RADIL: variants seen among roughly 807,000 people sequenced by gnomAD.
The protein encoded by RADIL is Rap associating with DIL domain.
In RADIL, 99 loss-of-function variants were observed where a neutral mutation model predicts 97.6. That is an observed-to-expected ratio of 1.01 (90% CI 0.86 to 1.20). The LOEUF is 1.20. Ranked by LOEUF, RADIL falls within the 50% of genes most tolerant of loss-of-function variation. The pLI is 0.00. For missense variants in RADIL, 1,765 were observed against 1,498.9 expected (o/e 1.18, Z -2.93); for synonymous variants, 803 against 691.8 (o/e 1.16, Z -2.52).
rs768874838 is a variant in RADIL, at chr7:4,803,692, C to T, written c.2353G>A (p.Val785Met). 10 of 1,562,912 alleles carry T rather than the reference C, an allele frequency of 6.4e-6. No homozygotes were observed. The highest frequency in any genetic ancestry group is 2.7e-5 in the African/African-American group (2 of 73,552). ...PIVLPSDGFQ[V>M]DLEANCLDDS... ...TCCAGGCAGTTGGCTTCCAAGTCCA[C>T]CTGGAAGCCGTCGCTGGGCAGGACG... The change falls in exon 11 of 15, where the codon GTG (valine) becomes ATG (methionine). Residue 785 changes from valine to methionine, a missense_variant. By Grantham distance (21) the Val-to-Met change is conservative (BLOSUM62 1). Transcript: ENST00000399583.
At chr7:4,859,993 T>G in intron 2 of RADIL, 1 of 1,613,946 alleles carries the variant, frequency 6.2e-7, no homozygotes, top group Non-Finnish European at 8.5e-7. Context: ...TGGCCTTTGG[T>G]GATGGAGAAA....
intron 10 of RADIL, 157 bp downstream of exon 10, chr7:4,805,408 GC>G (rs75866785): frequency 0.065 from 34,795 of 535,164 alleles, 1,536 homozygotes; most frequent in African/African-American, 0.36. Context: ...ATGGGGCGGG[GC>G]GGGGGGGTCC....
At chr7:4,841,541 G>A (rs1343154767) in intron 2 of RADIL, among the ~76,000 whole-genome samples, 1 of 152,206 alleles carries the variant, frequency 6.6e-6, no homozygotes, top group African/African-American at 2.4e-5. Flanking sequence ...GTCAGTTCCT[G>A]CAGAGGAAGC....
At chr7:4,808,142 C>G (rs1782405571) in intron 9 of RADIL, among the ~76,000 whole-genome samples, 1 of 129,302 alleles carries the variant, frequency 7.7e-6, no homozygotes, top group African/African-American at 3.1e-5. Context: ...CTTCCTCTCT[C>G]CCCCGTCCTT....
In RADIL at chr7:4,822,547, G is replaced by C; in HGVS notation, c.1462C>G (p.Pro488Ala). The C allele has an allele frequency of 2.5e-6, 4 of 1,612,700 alleles. No individual in the cohort carries two copies. Among genetic ancestry groups the C allele is most frequent in the Non-Finnish European group, 3.4e-6 (4 of 1,179,864 alleles). Reference protein sequence around the residue: ...LAEKQAQLQEPISLASCAMAD... With the variant: ...LAEKQAQLQEAISLASCAMAD... ...ATGGCGCAGCTGGCCAGCGAGATGG[G>C]CTCCTGGCTACCAAGACAGAAAGAC... is the stretch of plus-strand genomic sequence containing the variant. Residue 488 changes from proline to alanine, a missense_variant, in exon 6 of 15, where the codon CCC becomes GCC. By Grantham distance (27) the Pro-to-Ala change is conservative. Transcript: ENST00000399583. The surrounding 1 kb of genome is among the most constrained non-coding windows in gnomAD (Gnocchi z 5.3).
rs1424926365 is a variant in RADIL, at chr7:4,873,949, C to A, written c.535+3656G>T. 6.6e-6 allele frequency among the ~76,000 whole-genome samples: 1 copy of A among 152,262 alleles called. No homozygotes were observed. Among genetic ancestry groups the A allele is most frequent in the African/African-American group, 2.4e-5 (1 of 41,476 alleles). ...AACCCCTCGGCTTCCCACCTCCTCC[C>A]CTTCTCTGGCTCTCAGTCGTTCCCC... On this transcript the variant is annotated intron_variant, in intron 2 of 14. Coordinates refer to ENST00000399583, the MANE Select transcript of RADIL (RefSeq NM_018059.5). This position sits in a 1 kb window ranked among gnomAD's most constrained non-coding sequence, Gnocchi z 4.3.
intron 5 of RADIL, 130 bp downstream of exon 5, chr7:4,832,011 G>A (rs552635690): frequency 1.5e-3 from 1,459 of 947,042 alleles, no homozygotes; most frequent in Non-Finnish European, 2.1e-3. Flanking sequence ...GCCGCTGCTT[G>A]GATGGAAGGA....
Position 4,803,531 on chromosome 7 carries a change from C to T in RADIL, c.2499+15G>A, listed in dbSNP as rs1782189467. 3.3e-6 allele frequency: 5 copies of T among 1,529,528 alleles called. No individual in the cohort carries two copies. The highest frequency in any genetic ancestry group is 4.4e-6 in the Non-Finnish European group (5 of 1,133,486). The allele number at this position is 1,529,528 out of a possible 1,614,324, so 94.7% of individuals were successfully genotyped here. ...CCTCGGGGCACGCTGGCTGGGGGGC[C>T]CCCTCCCCGGGTACCTCGGGGCACA... On this transcript the variant is annotated intron_variant, in intron 11 of 14. Transcript: ENST00000399583.
At chr7:4,850,949 C>G (rs1783693653) in intron 2 of RADIL, among the ~76,000 whole-genome samples, 1 of 152,152 alleles carries the variant, frequency 6.6e-6, no homozygotes, top group Non-Finnish European at 1.5e-5. Flanking sequence ...CACCTGGAAT[C>G]CCAGCACTTT....
chr7:4,805,282 G>A (rs1026243211), intron 10 of RADIL: 24 of 395,384 alleles, frequency 6.1e-5, no homozygotes, highest in African/African-American at 3.2e-4. Context: ...CCCATCCTCC[G>A]GCTCCGTGAG....
rs1422040236 is a variant in RADIL, at chr7:4,815,238, G to A, written c.2139+40C>T. 2.7e-6 allele frequency: 4 copies of A among 1,482,578 alleles called. No individual in the cohort carries two copies. The highest frequency in any genetic ancestry group is 1.4e-5 in the African/African-American group (1 of 70,906). The allele number at this position is 1,482,578 out of a possible 1,614,324, so 91.8% of individuals were successfully genotyped here. On this transcript the variant is annotated intron_variant, in intron 9 of 14. Coordinates refer to ENST00000399583, the MANE Select transcript of RADIL (RefSeq NM_018059.5). This position sits in a 1 kb window ranked among gnomAD's most constrained non-coding sequence, Gnocchi z 8.0. The stretch of plus-strand genomic sequence containing the variant: ...CCAGGGACCCACAGCATGTGGCCCC[G>A]CCCCTCCCCACACTCGCCGCCTCCC...
Position 4,824,004 on chromosome 7 carries a change from C to A in RADIL, c.1455-1450G>T, listed in dbSNP as rs1308939744. 1.3e-5 allele frequency among the ~76,000 whole-genome samples: 2 copies of A among 152,252 alleles called. No individual in the cohort carries two copies. The highest frequency in any genetic ancestry group is 4.8e-5 in the African/African-American group (2 of 41,472). ...CATCCCTAAGTCTCCATAATCGCAC[C>A]TGGCGGACACAAATAGCCGTGTGCC... On this transcript the variant is annotated intron_variant, in intron 5 of 14. Transcript: ENST00000399583. This position sits in a 1 kb window ranked among gnomAD's most constrained non-coding sequence, Gnocchi z 6.7.
rs952146187 is a variant in RADIL at position 4,835,636 on chromosome 7, G to A, written c.784-397C>T. On this transcript the variant is annotated intron_variant, in intron 3 of 14. Transcript: ENST00000399583. This position sits in a 1 kb window ranked among gnomAD's most constrained non-coding sequence, Gnocchi z 5.8. Reference sequence around the variant, plus strand: ...GTGTGGGAGCACCACCCCCAGTGTGGGAGCACTGCCGCCTGTGTGAGAGCA... The same window carrying A: ...GTGTGGGAGCACCACCCCCAGTGTGAGAGCACTGCCGCCTGTGTGAGAGCA... 6.6e-6 allele frequency among the ~76,000 whole-genome samples: 1 copy of A among 152,230 alleles called. No homozygotes were observed. The highest frequency in any genetic ancestry group is 1.5e-5 in the Non-Finnish European group (1 of 68,020).
rs1451246707 is a variant in RADIL at position 4,818,652 on chromosome 7, C to T, written c.1616-1301G>A. Among the ~76,000 whole-genome samples the T allele has an allele frequency of 2.0e-5, 3 of 152,184 alleles. No individual in the cohort carries two copies. Among genetic ancestry groups the T allele is most frequent in the African/African-American group, 4.8e-5 (2 of 41,454 alleles). On this transcript the variant is annotated intron_variant, in intron 6 of 14. Coordinates refer to ENST00000399583, the MANE Select transcript of RADIL (RefSeq NM_018059.5). This position sits in a 1 kb window ranked among gnomAD's most constrained non-coding sequence, Gnocchi z 7.1. ...GCCCGACGGCGCCCACAGCGAGTGC[C>T]GGCAAAGGATATTCACAGCCACGGC...
At chr7:4,836,318 C>T (rs111252511) in intron 3 of RADIL, 40 bp downstream of exon 3, 1 of 1,556,868 alleles carries the variant, frequency 6.4e-7, no homozygotes, top group Admixed American at 1.9e-5. Flanking sequence ...GCTGTCCCTG[C>T]AGTGGCACCG....
rs191573038 is a variant in RADIL, at chr7:4,832,812, G to A, written c.1417-634C>T. Reference sequence around the variant, plus strand: ...AGTTATTATCCGGCTGAATGTAACCGTGATGGCTGAGTGCGCGTAGACTAA... The same window carrying A: ...AGTTATTATCCGGCTGAATGTAACCATGATGGCTGAGTGCGCGTAGACTAA... On this transcript the variant is annotated intron_variant, in intron 4 of 14. Transcript: ENST00000399583. Among the ~76,000 whole-genome samples the A allele has an allele frequency of 1.3e-3, 196 of 151,482 alleles. 1 individual carries two copies. The highest frequency in any genetic ancestry group is 4.4e-3 in the African/African-American group (182 of 41,200).
intron 9 of RADIL, 138 bp from the exon 10 acceptor site, chr7:4,805,854 T>TCAA: frequency 7.2e-7 from 1 of 1,397,632 alleles, no homozygotes. Flanking sequence ...GGGCCATCTG[T>TCAA]GAGGGGGACG....
chr7:4,803,536 C>T lies in RADIL; in HGVS notation c.2499+10G>A, dbSNP rs1337567791. The T allele has an allele frequency of 7.2e-6, 11 of 1,531,610 alleles. No homozygotes were observed. Among genetic ancestry groups the T allele is most frequent in the Non-Finnish European group, 9.7e-6 (11 of 1,134,548 alleles). 94.9% of individuals were successfully genotyped at this position (1,531,610 alleles called of 1,614,324 possible). ...GGGCACGCTGGCTGGGGGGCCCCCT[C>T]CCCGGGTACCTCGGGGCACACTGGC... On this transcript the variant is annotated intron_variant, in intron 11 of 14. Transcript: ENST00000399583.
Position 4,873,222 on chromosome 7 carries a change from C to T in RADIL, c.535+4383G>A, listed in dbSNP as rs143602759. On this transcript the variant is annotated intron_variant, in intron 2 of 14. Transcript: ENST00000399583. The surrounding 1 kb of genome is among the most constrained non-coding windows in gnomAD (Gnocchi z 4.3). ...TGCTGGGATTACACGCGTGAGCCAC[C>T]GCGCCCGGCCAAGTGTGACTCTTAC... Among the ~76,000 whole-genome samples, 1,072 of 152,218 alleles carry T rather than the reference C, an allele frequency of 7.0e-3. 2 individuals are homozygous for T. The highest frequency in any genetic ancestry group is 0.012 in the Non-Finnish European group (811 of 68,006).
Sources: allele counts gnomAD v4.1 joint callset (sites outside exome capture counted in the v4.1 genomes callset), GRCh38; gene constraint gnomAD v4.1.1; non-coding constraint Gnocchi (gnomAD v3.1); transcripts MANE v1.5; gene names NCBI Gene and HGNC (gene_info 2026-07-23, HGNC 2026-07-21).